The following EDIL3 variants were observed in gnomAD, a reference collection of about 807,000 sequenced individuals.
EDIL3 encodes the protein EGF-like repeat and discoidin I-like domain-containing protein 3.
Under a neutral mutation model 67.4 loss-of-function variants are expected in EDIL3, and 37 were observed. That is an observed-to-expected ratio of 0.55 (90% CI 0.42 to 0.72). EDIL3 has a LOEUF of 0.72. Ranked by LOEUF, EDIL3 falls within the 30% of genes least tolerant of loss-of-function variation. EDIL3 has a pLI of 0.00. For synonymous variants in EDIL3, 195 were observed against 196.3 expected (o/e 0.99, Z 0.05); for missense variants, 527 against 586.3 (o/e 0.90, Z 1.04).
chr5:84,379,074 T>C (rs1013570493), intron 1 of EDIL3, among the ~76,000 whole-genome samples: 8 of 152,212 alleles, frequency 5.3e-5, no homozygotes, highest in Non-Finnish European at 8.8e-5. Flanking sequence ...GAGAAATTTT[T>C]ATCCTAGGAG....
chr5:84,314,387 T>G (rs1037770260), intron 1 of EDIL3, among the ~76,000 whole-genome samples: 6 of 152,206 alleles, frequency 3.9e-5, no homozygotes, highest in African/African-American at 1.4e-4. Flanking sequence ...CAGAAACATC[T>G]GCTTTATCTT....
chr5:84,176,210 T>TATATATATATATATA (rs1748908383), intron 4 of EDIL3, among the ~76,000 whole-genome samples: 4 of 37,780 alleles, frequency 1.1e-4, no homozygotes, highest in African/African-American at 3.0e-4. Context: ...TATATATATA[T>TATATATATATATATA]ATATATATAT....
intron 1 of EDIL3, among the ~76,000 whole-genome samples, chr5:84,312,376 C>CG (rs1325958892): frequency 7.6e-6 from 1 of 130,914 alleles, no homozygotes; most frequent in African/African-American, 3.0e-5. Flanking sequence ...GCTGGCCGGG[C>CG]GGGGGGCTGA....
At chr5:84,202,262 G>A (rs1169654476) in intron 3 of EDIL3, among the ~76,000 whole-genome samples, 2 of 152,080 alleles carry the variant, frequency 1.3e-5, no homozygotes, top group African/African-American at 2.4e-5. Context: ...TTGTCAGCCC[G>A]AGACCCTGGG....
chr5:84,194,986 G>A (rs901153474), intron 3 of EDIL3, among the ~76,000 whole-genome samples: 5 of 151,834 alleles, frequency 3.3e-5, no homozygotes, highest in South Asian at 2.1e-4. Flanking sequence ...TACAGAATAC[G>A]GTCACAGAGT....
At chr5:84,078,475 T>G (rs866292801) in intron 6 of EDIL3, among the ~76,000 whole-genome samples, 1 of 152,190 alleles carries the variant, frequency 6.6e-6, no homozygotes, top group Non-Finnish European at 1.5e-5. Context: ...TATAACATCA[T>G]GTACTCTCCA....
chr5:84,259,262 TAA>T (rs1388043046), intron 1 of EDIL3, among the ~76,000 whole-genome samples: 2 of 152,058 alleles, frequency 1.3e-5, no homozygotes, highest in Non-Finnish European at 2.9e-5. Context: ...CCTGGTCTGG[TAA>T]AGTCTTTTAA....
chr5:84,000,190 C>A (rs966449468), intron 9 of EDIL3, among the ~76,000 whole-genome samples: 2 of 151,896 alleles, frequency 1.3e-5, no homozygotes, highest in African/African-American at 4.8e-5. Context: ...TAATGAGCAA[C>A]AAGAAATCAT....
At chr5:84,379,770 T>C (rs994472081) in intron 1 of EDIL3, among the ~76,000 whole-genome samples, 2 of 152,114 alleles carry the variant, frequency 1.3e-5, no homozygotes, top group African/African-American at 2.4e-5. Context: ...GCCCTCTTTT[T>C]TTCTTCCTCA....
In EDIL3 at chr5:84,037,988, G is replaced by GTTTTTTTTTTTTT. The variant is rs67762520; in HGVS notation, c.1137+22299_1137+22311dup. Among the ~76,000 whole-genome samples the GTTTTTTTTTTTTT allele has an allele frequency of 2.1e-4, 21 of 99,692 alleles. 3 individuals are homozygous for GTTTTTTTTTTTTT. The highest frequency in any genetic ancestry group is 7.2e-4 in the African/African-American group (16 of 22,194). The allele number at this position is 99,692 out of a possible 152,430, so 65.4% of individuals were successfully genotyped here. A position where few individuals can be genotyped will look rare whatever the true frequency, so the allele number is the denominator to read the frequency against. On this transcript the variant is annotated intron_variant, in intron 9 of 10. Transcript: ENST00000296591. ...TTCTCTTTTCTTTTCTTTCTTTCTTGTTTTTTTTTTTTTTTTTTTTTTTGA... is the reference window on the plus strand; with the variant it reads ...TTCTCTTTTCTTTTCTTTCTTTCTTGTTTTTTTTTTTTTTTTTTTTTTTTTTTTTTTTTTTTGA...
chr5:84,101,137 C>A (rs2112277730), intron 6 of EDIL3, among the ~76,000 whole-genome samples: 1 of 152,156 alleles, frequency 6.6e-6, no homozygotes, highest in Non-Finnish European at 1.5e-5. Context: ...ATGACAGTTA[C>A]TAGTCCGACC....
chr5:84,284,194 T>C (rs530925607), intron 1 of EDIL3, among the ~76,000 whole-genome samples: 3 of 152,298 alleles, frequency 2.0e-5, no homozygotes, highest in East Asian at 3.9e-4. Context: ...GTTTAATTTG[T>C]CTATTTTTAA....
intron 4 of EDIL3, among the ~76,000 whole-genome samples, chr5:84,141,088 G>A (rs1580346202): frequency 6.6e-6 from 1 of 151,914 alleles, no homozygotes; most frequent in Non-Finnish European, 1.5e-5. Context: ...CTTCGTCACA[G>A]ATCAAGACAT....
At chr5:84,095,791 G>A (rs1747251282) in intron 6 of EDIL3, among the ~76,000 whole-genome samples, 1 of 152,108 alleles carries the variant, frequency 6.6e-6, no homozygotes, top group South Asian at 2.1e-4. Flanking sequence ...AAGTAATGAG[G>A]AGCTGAATGT....
In EDIL3 at chr5:83,955,266, C is replaced by CT. The variant is rs1580250761; in HGVS notation, c.1293+7938dup. On this transcript the variant is annotated intron_variant, in intron 10 of 10. Transcript: ENST00000296591. ...GAAGATAAAAATAGGAAGATTTTAACTTTTTTGGCATTTGAGCACTGGGAA... is the reference window on the plus strand; with the variant it reads ...GAAGATAAAAATAGGAAGATTTTAACTTTTTTTGGCATTTGAGCACTGGGAA... Among the ~76,000 whole-genome samples the CT allele has an allele frequency of 2.0e-5, 3 of 151,658 alleles. No individual in the cohort carries two copies. In the South Asian group the frequency reaches 6.2e-4, roughly 31 times the overall value.
At chr5:83,990,477 C>A (rs1227328168) in intron 9 of EDIL3, among the ~76,000 whole-genome samples, 1 of 131,712 alleles carries the variant, frequency 7.6e-6, no homozygotes, top group African/African-American at 2.8e-5. Flanking sequence ...CCGAGTGAGA[C>A]TCCATCACAA....
At chr5:84,113,048 T>A (rs368989218) in intron 5 of EDIL3, among the ~76,000 whole-genome samples, 6 of 152,286 alleles carry the variant, frequency 3.9e-5, no homozygotes, top group African/African-American at 1.4e-4. Flanking sequence ...TTAAAAAAAA[T>A]GTAACTGATA....
At chr5:84,326,712 T>C (rs1170559512) in intron 1 of EDIL3, among the ~76,000 whole-genome samples, 1 of 152,018 alleles carries the variant, frequency 6.6e-6, no homozygotes, top group Non-Finnish European at 1.5e-5. Flanking sequence ...ATTCTTGTTT[T>C]TCTTGCTTTT....
At chr5:84,268,137 CAATAAATAAATA>C (rs541817411) in intron 1 of EDIL3, among the ~76,000 whole-genome samples, 4 of 151,128 alleles carry the variant, frequency 2.6e-5, no homozygotes, top group Non-Finnish European at 2.9e-5. Context: ...ATCTCGTCTC[CAATAAATAAATA>C]AATAAATAAA....
Sources: gnomAD v4.1 joint callset for allele counts (sites outside exome capture counted in the v4.1 genomes callset) on GRCh38, gnomAD v4.1.1 for gene constraint, MANE v1.5 for transcripts, NCBI Gene and HGNC (gene_info 2026-07-23, HGNC 2026-07-21) for gene names.